Variants in GRIN2B observed in about 807,000 individuals in gnomAD.
The protein encoded by GRIN2B is glutamate ionotropic receptor NMDA type subunit 2B.
A neutral mutation model predicts 114.5 loss-of-function variants in GRIN2B; 5 were observed. The observed-to-expected ratio is 0.04, with a 90% CI of 0.02 to 0.09. The LOEUF is 0.09. Among genes scored for constraint, GRIN2B ranks in the 10% least tolerant of loss-of-function variants. The probability of loss-of-function intolerance (pLI) is 1.00; values close to 1 mark genes in which losing one functional copy is unlikely to be tolerated. For synonymous variants in GRIN2B, 787 were observed against 745.1 expected (o/e 1.06, Z -0.92); for missense variants, 1,108 against 1,943.5 (o/e 0.57, Z 8.08).
intron 8 of GRIN2B, among the ~76,000 whole-genome samples, chr12:13,613,811 C>T (rs1949397448): frequency 6.6e-6 from 1 of 152,064 alleles, no homozygotes; most frequent in Non-Finnish European, 1.5e-5. Context: ...TAAATGTTGG[C>T]TTCTCTTATC....
chr12:13,972,459 A>G (rs1476424213), intron 2 of GRIN2B, among the ~76,000 whole-genome samples: 1 of 152,064 alleles, frequency 6.6e-6, no homozygotes, highest in Non-Finnish European at 1.5e-5. Flanking sequence ...TTTCATTATC[A>G]TATAGGCAGC....
intron 2 of GRIN2B, among the ~76,000 whole-genome samples, chr12:13,911,904 C>T (rs1347964215): frequency 3.3e-5 from 5 of 152,192 alleles, no homozygotes; most frequent in Non-Finnish European, 4.4e-5. Flanking sequence ...GCTTGATTGC[C>T]TCTGCCATCA....
chr12:13,900,864 G>A (rs199525788), intron 2 of GRIN2B, among the ~76,000 whole-genome samples: 6 of 152,028 alleles, frequency 3.9e-5, no homozygotes, highest in South Asian at 2.1e-4. Context: ...GAGCAGCTGC[G>A]GTTCATTTAC....
intron 3 of GRIN2B, among the ~76,000 whole-genome samples, chr12:13,825,399 C>G (rs1229046920): frequency 6.7e-6 from 1 of 150,040 alleles, no homozygotes; most frequent in Non-Finnish European, 1.5e-5. Flanking sequence ...TATATTCTCT[C>G]TCCTGTTGTT....
chr12:13,942,112 G>A (rs1271867215), intron 2 of GRIN2B, among the ~76,000 whole-genome samples: 1 of 152,132 alleles, frequency 6.6e-6, no homozygotes, highest in East Asian at 1.9e-4. Flanking sequence ...CCACCACCAT[G>A]TTACTTTTTC....
At chr12:13,917,332 A>ACGCAC (rs1866751551) in intron 2 of GRIN2B, among the ~76,000 whole-genome samples, 1 of 152,306 alleles carries the variant, frequency 6.6e-6, no homozygotes, top group South Asian at 2.1e-4. Context: ...GGAAAAGACC[A>ACGCAC]CGCACTGCTG....
chr12:13,567,038 A>T lies in GRIN2B; in HGVS notation c.2585T>A (p.Phe862Tyr). The T allele has an allele frequency of 6.2e-7, 1 of 1,611,666 alleles. No individual in the cohort carries two copies. The highest frequency in any genetic ancestry group is 8.5e-7 in the Non-Finnish European group (1 of 1,177,664). The change falls in exon 13 of 14, where the codon TTC becomes TAC. Residue 862 changes from phenylalanine (F) to tyrosine (Y), a missense_variant. Physicochemically the swap from Phe to Tyr is conservative, Grantham distance 22. This residue lies in a region of GRIN2B where 30 missense variants were observed against 35.9 expected (regional missense o/e 0.84). Coordinates refer to ENST00000609686, the MANE Select transcript of GRIN2B (RefSeq NM_000834.5). ...CAAAACACTTACTCTGCTGATGGAG[A>T]AGACCATGCCAGGCTTGCCAGAACA... ...GVCSGKPGMVFSISRGIYSCI... is the reference protein window; with the variant it reads ...GVCSGKPGMVYSISRGIYSCI...
intron 3 of GRIN2B, among the ~76,000 whole-genome samples, chr12:13,774,795 G>A (rs151046300): frequency 1.3e-3 from 200 of 152,250 alleles, no homozygotes; most frequent in African/African-American, 4.8e-3. Context: ...ATTACCAAAA[G>A]TAATGGGAAA....
intron 4 of GRIN2B, among the ~76,000 whole-genome samples, chr12:13,693,253 G>T (rs568223501): frequency 3.3e-5 from 5 of 152,124 alleles, no homozygotes; most frequent in African/African-American, 1.2e-4. Flanking sequence ...TTCGCTTAAG[G>T]TTGCAGTTTC....
chr12:13,833,550 C>G (rs943255569), intron 3 of GRIN2B, among the ~76,000 whole-genome samples: 57 of 152,212 alleles, frequency 3.7e-4, no homozygotes, highest in African/African-American at 1.4e-3. Flanking sequence ...GCCCAAGATA[C>G]TCCACATCTT....
intron 5 of GRIN2B, among the ~76,000 whole-genome samples, chr12:13,668,801 G>T (rs1258370190): frequency 6.6e-6 from 1 of 151,652 alleles, no homozygotes; most frequent in African/African-American, 2.4e-5. Flanking sequence ...CAATGTACTT[G>T]TTTTGTTTTT....
chr12:13,862,097 T>C (rs1865761974), intron 3 of GRIN2B, among the ~76,000 whole-genome samples: 1 of 152,204 alleles, frequency 6.6e-6, no homozygotes, highest in Non-Finnish European at 1.5e-5. Context: ...TCTGATTTTT[T>C]AATAGCCCTA....
intron 5 of GRIN2B, among the ~76,000 whole-genome samples, chr12:13,642,807 G>A (rs955960379): frequency 4.6e-5 from 7 of 152,162 alleles, no homozygotes; most frequent in African/African-American, 1.4e-4. Context: ...TGAAAAATGA[G>A]GAAACTGAAG....
intron 5 of GRIN2B, among the ~76,000 whole-genome samples, chr12:13,631,158 G>A (rs1949612685): frequency 6.6e-6 from 1 of 152,160 alleles, no homozygotes; most frequent in South Asian, 2.1e-4. Context: ...TGGCAACGCA[G>A]AGCCAAACCA....
At chr12:13,893,656 C>A (rs1440573234) in intron 2 of GRIN2B, among the ~76,000 whole-genome samples, 2 of 151,974 alleles carry the variant, frequency 1.3e-5, no homozygotes, top group Non-Finnish European at 2.9e-5. Context: ...ATATGTGCCT[C>A]AAAAGCTAAA....
intron 4 of GRIN2B, among the ~76,000 whole-genome samples, chr12:13,717,380 G>T (rs1950465335): frequency 6.6e-6 from 1 of 151,856 alleles, no homozygotes; most frequent in South Asian, 2.1e-4. Flanking sequence ...ATTAAATCCA[G>T]CCCCGCTTGG....
At chr12:13,948,890 C>G (rs1867419237) in intron 2 of GRIN2B, among the ~76,000 whole-genome samples, 1 of 152,088 alleles carries the variant, frequency 6.6e-6, no homozygotes, top group Admixed American at 6.6e-5. Flanking sequence ...GGCAGCCACT[C>G]AGAAAACCCA....
intron 8 of GRIN2B, among the ~76,000 whole-genome samples, chr12:13,613,673 T>C (rs1446640671): frequency 6.6e-6 from 1 of 152,198 alleles, no homozygotes; most frequent in Non-Finnish European, 1.5e-5. Context: ...AAGAGACGGC[T>C]GGAAAATGGC....
At chr12:13,932,324 C>A (rs541900259) in intron 2 of GRIN2B, among the ~76,000 whole-genome samples, 3 of 152,300 alleles carry the variant, frequency 2.0e-5, no homozygotes, top group African/African-American at 7.2e-5. Flanking sequence ...CCCAAAAGAA[C>A]CCTAAACTCT....
Sources: gnomAD v4.1 joint callset for allele counts (sites outside exome capture counted in the v4.1 genomes callset) on GRCh38, gnomAD v4.1.1 for gene constraint, gnomAD v4.1.1 regional missense constraint, MANE v1.5 for transcripts, NCBI Gene and HGNC (gene_info 2026-07-23, HGNC 2026-07-21) for gene names.